SCTR: variants seen among roughly 807,000 people sequenced by gnomAD.
The protein encoded by SCTR is pancreatic secretin receptor.
In SCTR, 56 loss-of-function variants were observed where a neutral mutation model predicts 60.8. That is an observed-to-expected ratio of 0.92 (90% confidence interval 0.74 to 1.15). The LOEUF (loss-of-function observed/expected upper bound fraction) is 1.15. Among genes scored for constraint, SCTR ranks in the 50% most tolerant of loss-of-function variants. The pLI is 0.00. For synonymous variants in SCTR, 202 were observed against 217.0 expected, an observed-to-expected ratio of 0.93 and a Z score of 0.61; for missense variants, 562 against 550.4, an observed-to-expected ratio of 1.02 and a Z score of -0.21.
At chr2:119,447,005 C>A in intron 10 of SCTR, 120 bp from the exon 11 acceptor site, 1 of 1,069,082 alleles carries the variant, frequency 9.4e-7, no homozygotes, top group Non-Finnish European at 1.2e-6. Context: ...GCTAGCAGTA[C>A]CCCAAACTTT....
intron 1 of SCTR, among the ~76,000 whole-genome samples, chr2:119,504,079 G>A (rs1235862499): frequency 6.6e-6 from 1 of 152,128 alleles, no homozygotes; most frequent in Non-Finnish European, 1.5e-5. Context: ...TAGATCAATG[G>A]ACACAATAGA....
intron 8 of SCTR, 94 bp from the exon 9 acceptor site, chr2:119,452,173 G>C: frequency 5.3e-6 from 4 of 752,312 alleles, no homozygotes; most frequent in South Asian, 1.6e-5. Context: ...CCCTTGGTAT[G>C]AAGGACCTGT....
chr2:119,498,939 G>GC, intron 1 of SCTR, among the ~76,000 whole-genome samples: 1 of 152,018 alleles, frequency 6.6e-6, no homozygotes, highest in Non-Finnish European at 1.5e-5. Flanking sequence ...AGAGAGACTG[G>GC]CATATTGGAT....
At chr2:119,493,754 G>T (rs1170159212) in intron 2 of SCTR, among the ~76,000 whole-genome samples, 3 of 150,264 alleles carry the variant, frequency 2.0e-5, no homozygotes, top group African/African-American at 4.9e-5. Flanking sequence ...CGATTCTCCT[G>T]CCTCAGCCTC....
At chr2:119,497,212 C>T (rs1238532099) in intron 1 of SCTR, among the ~76,000 whole-genome samples, 2 of 152,036 alleles carry the variant, frequency 1.3e-5, no homozygotes, top group Non-Finnish European at 2.9e-5. Flanking sequence ...AGCTGATACT[C>T]CCACCCCACA....
intron 2 of SCTR, among the ~76,000 whole-genome samples, chr2:119,490,832 G>T: frequency 6.6e-6 from 1 of 152,138 alleles, no homozygotes; most frequent in East Asian, 1.9e-4. Flanking sequence ...GCTTTCTCTA[G>T]CTACTGATTG....
At chr2:119,464,051 C>T (rs895911247) in intron 6 of SCTR, 72 bp downstream of exon 6, 18 of 1,520,618 alleles carry the variant, frequency 1.2e-5, no homozygotes, top group Non-Finnish European at 9.1e-7. Context: ...AACTAGGCTA[C>T]TCCCCTCTCC....
intron 1 of SCTR, among the ~76,000 whole-genome samples, chr2:119,512,505 T>A (rs1040495184): frequency 1.1e-4 from 16 of 146,452 alleles, no homozygotes; most frequent in African/African-American, 4.4e-4. Flanking sequence ...CAACTGATTC[T>A]CCTGCCTCAG....
intron 7 of SCTR, among the ~76,000 whole-genome samples, chr2:119,459,404 ATT>A (rs72044012): frequency 1.3e-5 from 2 of 149,712 alleles, no homozygotes; most frequent in African/African-American, 4.9e-5. Context: ...GACTAGGGTA[ATT>A]TTTTTTTTTC....
intron 1 of SCTR, among the ~76,000 whole-genome samples, chr2:119,500,512 A>G (rs1396056496): frequency 6.6e-6 from 1 of 152,256 alleles, no homozygotes; most frequent in Non-Finnish European, 1.5e-5. Flanking sequence ...AAAATGTGGT[A>G]TATATACACA....
rs1286363660 is a variant in SCTR at position 119,448,755 on chromosome 2, A to C, written c.947T>G (p.Ile316Ser). ...ILINFILFIN[I>S]LRILMRKLRT... ...AAGTTTTCTCATCAGGATTCTTAGA[A>C]TGTTTATGAAAAGGATGAAATTAAT... Residue 316 changes from isoleucine (I) to serine (S), a missense_variant, in exon 10 of 13, where the codon ATT (isoleucine) becomes AGT (serine). Ile to Ser is a moderately radical substitution (Grantham distance 142). Transcript: ENST00000019103. 6.3e-7 allele frequency: 1 copy of C among 1,598,408 alleles called. No individual in the cohort carries two copies.
intron 1 of SCTR, among the ~76,000 whole-genome samples, chr2:119,516,058 G>T (rs1679104970): frequency 6.6e-6 from 1 of 152,096 alleles, no homozygotes; most frequent in Non-Finnish European, 1.5e-5. Flanking sequence ...GCTAATGTGG[G>T]GTGAGAACAA....
chr2:119,519,518 T>C (rs1318896232), intron 1 of SCTR, among the ~76,000 whole-genome samples: 1 of 152,072 alleles, frequency 6.6e-6, no homozygotes, highest in Non-Finnish European at 1.5e-5. Context: ...ATGCATGTGC[T>C]GGTTAAGAAG....
Position 119,478,927 on chromosome 2 carries a change from A to T in SCTR, c.194-9T>A. The T allele has an allele frequency of 1.9e-6, 3 of 1,614,066 alleles. No homozygotes were observed. The highest frequency in any genetic ancestry group is 2.5e-6 in the Non-Finnish European group (3 of 1,179,952). ...CCACATCCCCTCACAACCTGCCAAG[A>T]AAAGCAGCATCAGACAAGGATGGGG... On this transcript the variant is annotated splice_polypyrimidine_tract_variant and intron_variant, in intron 2 of 12. Coordinates refer to ENST00000019103, the MANE Select transcript of SCTR (RefSeq NM_002980.3).
chr2:119,519,858 AAAAG>A (rs1262629682), intron 1 of SCTR, among the ~76,000 whole-genome samples: 1 of 150,314 alleles, frequency 6.7e-6, no homozygotes, highest in African/African-American at 2.4e-5. Context: ...AAAGAAAAAA[AAAAG>A]AAAAAAAAAC....
At chr2:119,494,312 A>C in intron 2 of SCTR, 116 bp downstream of exon 2, 1 of 1,199,844 alleles carries the variant, frequency 8.3e-7, no homozygotes, top group Non-Finnish European at 1.2e-6. Flanking sequence ...TCTGAGTGAG[A>C]AAAGCTGGAC....
intron 1 of SCTR, among the ~76,000 whole-genome samples, chr2:119,505,405 T>C (rs1250481182): frequency 6.6e-6 from 1 of 151,492 alleles, no homozygotes; most frequent in Non-Finnish European, 1.5e-5. Context: ...CGCACCAACA[T>C]GGCACATGTA....
At chr2:119,514,990 G>C (rs947999914) in intron 1 of SCTR, among the ~76,000 whole-genome samples, 1 of 152,210 alleles carries the variant, frequency 6.6e-6, no homozygotes, top group Admixed American at 6.5e-5. Flanking sequence ...TTCAAGGGGG[G>C]AAAGGAAAGT....
intron 1 of SCTR, among the ~76,000 whole-genome samples, chr2:119,516,887 G>A (rs557059486): frequency 6.6e-6 from 1 of 152,142 alleles, no homozygotes; most frequent in East Asian, 1.9e-4. Context: ...TGAACCTCTT[G>A]AACCCGGGAG....
Sources: gnomAD v4.1 joint callset for allele counts (sites outside exome capture counted in the v4.1 genomes callset) on GRCh38, gnomAD v4.1.1 for gene constraint, MANE v1.5 for transcripts, NCBI Gene and HGNC (gene_info 2026-07-23, HGNC 2026-07-21) for gene names.